Variants in SIDT1 observed in about 807,000 individuals in gnomAD.
The protein encoded by SIDT1 is SID1 transmembrane family, member 1.
In SIDT1, 101 loss-of-function variants were observed where a neutral mutation model predicts 107.5. The observed-to-expected ratio is 0.94, with a 90% confidence interval of 0.80 to 1.11. The LOEUF is 1.11. Ranked by LOEUF, SIDT1 falls within the 50% of genes least tolerant of loss-of-function variation. SIDT1 has a pLI of 0.00. For synonymous variants in SIDT1, 395 were observed against 398.2 expected, an observed-to-expected ratio of 0.99 and a Z score of 0.10; for missense variants, 1,076 against 1,058.2, an observed-to-expected ratio of 1.02 and a Z score of -0.23.
At chr3:113,568,219 A>G (rs1245503977) in intron 3 of SIDT1, among the ~76,000 whole-genome samples, 1 of 151,786 alleles carries the variant, frequency 6.6e-6, no homozygotes, top group Non-Finnish European at 1.5e-5. Flanking sequence ...CAAGCTCATC[A>G]AAAAAATAAT....
downstream of SIDT1, chr3:113,633,078 T>C (rs1241964672): frequency 6.6e-6 from 1 of 152,208 alleles, no homozygotes; most frequent in Non-Finnish European, 1.5e-5. Flanking sequence ...TGTAAAGCCC[T>C]AATTGCTGAT....
intron 1 of SIDT1, among the ~76,000 whole-genome samples, chr3:113,547,894 A>G (rs1039923435): frequency 6.6e-6 from 1 of 152,150 alleles, no homozygotes; most frequent in Admixed American, 6.5e-5. Context: ...ATTAATTTAA[A>G]GGTGAGGATC....
chr3:113,539,102 G>T (rs1009053064), intron 1 of SIDT1, among the ~76,000 whole-genome samples: 2 of 151,980 alleles, frequency 1.3e-5, no homozygotes, highest in Non-Finnish European at 2.9e-5. Context: ...CGTTTGTAAA[G>T]AAAAAATGAA....
At chr3:113,593,844 A>C (rs535932332) in intron 10 of SIDT1, among the ~76,000 whole-genome samples, 1 of 152,212 alleles carries the variant, frequency 6.6e-6, no homozygotes, top group Non-Finnish European at 1.5e-5. Flanking sequence ...AACTTGGGGG[A>C]ATCCAGAGTA....
chr3:113,592,686 C>G (rs547026438), intron 9 of SIDT1: 1 of 296,150 alleles, frequency 3.4e-6, no homozygotes, highest in Non-Finnish European at 6.6e-6. Flanking sequence ...CTCCTGGGTT[C>G]AAGCAATTCT....
intron 19 of SIDT1, chr3:113,615,894 G>A (rs1393179635): frequency 3.4e-6 from 2 of 589,978 alleles, no homozygotes; most frequent in Non-Finnish European, 6.1e-6. Flanking sequence ...CCTTTCTGCT[G>A]TGTAATGCAC....
intron 1 of SIDT1, among the ~76,000 whole-genome samples, chr3:113,550,295 C>A (rs1444420694): frequency 6.6e-6 from 1 of 152,170 alleles, no homozygotes; most frequent in Non-Finnish European, 1.5e-5. Flanking sequence ...TTGTTTGAGG[C>A]TTTGCTAATG....
intron 3 of SIDT1, among the ~76,000 whole-genome samples, chr3:113,573,648 G>C (rs953188459): frequency 3.9e-5 from 6 of 152,170 alleles, no homozygotes; most frequent in Non-Finnish European, 8.8e-5. Flanking sequence ...TAGGTCGTGA[G>C]AGTGGAGCCC....
intron 1 of SIDT1, among the ~76,000 whole-genome samples, chr3:113,539,824 G>A (rs1374264510): frequency 3.9e-5 from 6 of 152,068 alleles, no homozygotes; most frequent in Non-Finnish European, 5.9e-5. Flanking sequence ...CCAAAATGGC[G>A]AAACCCCATC....
intron 1 of SIDT1, among the ~76,000 whole-genome samples, chr3:113,545,924 CTT>C: frequency 6.6e-6 from 1 of 152,312 alleles, no homozygotes; most frequent in East Asian, 1.9e-4. Context: ...ATATGATAAA[CTT>C]TGCATTATTT....
chr3:113,565,396 G>A (rs1323257385), intron 1 of SIDT1, among the ~76,000 whole-genome samples: 3 of 152,090 alleles, frequency 2.0e-5, no homozygotes, highest in African/African-American at 4.8e-5. Flanking sequence ...GCCAGGCATG[G>A]TGGTGCACAC....
Position 113,603,013 on chromosome 3 carries a change from A to G in SIDT1, c.1126A>G (p.Ser376Gly). 6.2e-7 allele frequency: 1 copy of G among 1,613,974 alleles called. No individual in the cohort carries two copies. Among genetic ancestry groups the G allele is most frequent in the African/African-American group, 1.3e-5 (1 of 75,036 alleles). ...GSNYGTIDES[S>G]SSPGRQMSSS... ...AGTTGTCTCTGTTTCAGATGAGTCA[A>G]GCTCCAGTCCTGGAAGGCAGATGTC... Residue 376 changes from serine (S) to glycine (G), a missense_variant, in exon 12 of 25, where the codon AGC becomes GGC. Physicochemically the swap from Ser to Gly is moderately conservative, Grantham distance 56. Transcript: ENST00000264852.
intron 1 of SIDT1, among the ~76,000 whole-genome samples, chr3:113,544,120 G>T (rs1180017729): frequency 7.9e-5 from 12 of 151,668 alleles, no homozygotes; most frequent in Admixed American, 7.9e-4. Context: ...TTCCCCTTTT[G>T]GTCCAGGATC....
chr3:113,572,938 T>A (rs1364917315), intron 3 of SIDT1, among the ~76,000 whole-genome samples: 4 of 152,116 alleles, frequency 2.6e-5, no homozygotes, highest in Non-Finnish European at 5.9e-5. Flanking sequence ...TTGCTATGTG[T>A]CATACTATAT....
rs2107885920 is a variant in SIDT1, at chr3:113,628,857, G to T, written c.*1149G>T. On this transcript the variant is annotated 3_prime_UTR_variant, in exon 25 of 25. Transcript: ENST00000264852. ...TCCTCTTCCCCTCTTCTTGCAAAGT[G>T]CACAGCTAATCTAATGTTGTCTCTC... 6.6e-6 allele frequency: 1 copy of T among 152,324 alleles called. No homozygotes were observed. The highest frequency in any genetic ancestry group is 1.5e-5 in the Non-Finnish European group (1 of 68,058). The allele number at this position is 152,324 out of a possible 1,614,324, so 9.4% of individuals were successfully genotyped here.
intron 17 of SIDT1, among the ~76,000 whole-genome samples, chr3:113,609,138 C>G (rs1013323000): frequency 1.4e-5 from 2 of 140,618 alleles, no homozygotes; most frequent in Non-Finnish European, 3.0e-5. Context: ...TCTGAGCTCA[C>G]TGCAATCTCT....
chr3:113,538,410 G>A (rs1466051375), intron 1 of SIDT1, among the ~76,000 whole-genome samples: 2 of 152,212 alleles, frequency 1.3e-5, no homozygotes, highest in African/African-American at 2.4e-5. Flanking sequence ...GTAAGCCTGT[G>A]CTGTCCAGTG....
intron 3 of SIDT1, among the ~76,000 whole-genome samples, chr3:113,568,472 T>G (rs1169928139): frequency 6.6e-6 from 1 of 151,538 alleles, no homozygotes; most frequent in Admixed American, 6.6e-5. Context: ...CGGGCACCTG[T>G]AATCCCAGCT....
intron 1 of SIDT1, among the ~76,000 whole-genome samples, chr3:113,546,186 G>A (rs1939565931): frequency 6.6e-6 from 1 of 152,026 alleles, no homozygotes; most frequent in Admixed American, 6.6e-5. Context: ...TAAGATGAGA[G>A]GATTGCATTT....
Sources: allele counts gnomAD v4.1 joint callset (sites outside exome capture counted in the v4.1 genomes callset), GRCh38; gene constraint gnomAD v4.1.1; transcripts MANE v1.5; gene names NCBI Gene and HGNC (gene_info 2026-07-23, HGNC 2026-07-21).